The following ABI3BP variants were observed in gnomAD, a reference collection of about 807,000 sequenced individuals.
The protein encoded by ABI3BP is target of Nesh-SH3.
ABI3BP carries 216 observed loss-of-function variants against 268.6 expected under a neutral mutation model. The observed-to-expected ratio is 0.80, with a 90% CI of 0.72 to 0.90. The LOEUF is 0.90. ABI3BP is among the 40% of genes least tolerant of loss of function. The pLI is 0.00. For synonymous variants in ABI3BP, 730 were observed against 730.0 expected (o/e 1.00, Z 0.00); for missense variants, 2,090 against 2,182.4 (o/e 0.96, Z 0.84).
intron 14 of ABI3BP, among the ~76,000 whole-genome samples, chr3:100,855,425 T>G (rs2153081852): frequency 6.6e-6 from 1 of 152,338 alleles, no homozygotes; most frequent in South Asian, 2.1e-4. Context: ...TTTTTAACAT[T>G]AACTCTTAGA....
intron 51 of ABI3BP, among the ~76,000 whole-genome samples, chr3:100,800,847 A>C (rs975520992): frequency 1.1e-4 from 17 of 152,320 alleles, no homozygotes; most frequent in African/African-American, 4.1e-4. Flanking sequence ...GCCTATTAAA[A>C]TCTATCTTAA....
chr3:100,920,416 C>CT (rs956799671), intron 2 of ABI3BP, among the ~76,000 whole-genome samples: 13 of 151,960 alleles, frequency 8.6e-5, no homozygotes, highest in African/African-American at 2.4e-4. Context: ...ATATTAGCTT[C>CT]TTTTTTTTAA....
chr3:100,773,561 A>G (rs183887687), intron 61 of ABI3BP, among the ~76,000 whole-genome samples: 1 of 152,338 alleles, frequency 6.6e-6, no homozygotes, highest in East Asian at 1.9e-4. Context: ...ATGTTATATA[A>G]ACACTTATAT....
rs142841865 is a variant in ABI3BP at position 100,947,704 on chromosome 3, C to G, written c.80-21223G>C. Reference sequence around the variant, plus strand: ...AATTTAAATGGTAAGAAAGAGAGGCCAGGAGACAGAATAAGGGAATGGAGT... The same window carrying G: ...AATTTAAATGGTAAGAAAGAGAGGCGAGGAGACAGAATAAGGGAATGGAGT... On this transcript the variant is annotated intron_variant, in intron 1 of 67. Transcript: ENST00000471714. Among the ~76,000 whole-genome samples the G allele has an allele frequency of 4.3e-3, 648 of 151,830 alleles. 3 individuals are homozygous for G. Among genetic ancestry groups the G allele is most frequent in the African/African-American group, 0.015 (601 of 41,374 alleles).
chr3:100,908,960 A>T (rs1372442256), intron 2 of ABI3BP, among the ~76,000 whole-genome samples: 1 of 152,230 alleles, frequency 6.6e-6, no homozygotes, highest in Non-Finnish European at 1.5e-5. Context: ...GACAATCCTA[A>T]GCAAAAATAA....
chr3:100,811,411 A>G, intron 47 of ABI3BP, 134 bp from the exon 48 acceptor site: 1 of 674,628 alleles, frequency 1.5e-6, no homozygotes, highest in Non-Finnish European at 2.4e-6. Context: ...ACAGGAAAAA[A>G]GAATTGGGAG....
rs200602837 is a variant in ABI3BP at position 100,968,709 on chromosome 3, C to CT, written c.79+24596dup. 8.0e-3 allele frequency among the ~76,000 whole-genome samples: 1,211 copies of CT among 151,966 alleles called. 17 individuals are homozygous for CT. The highest frequency in any genetic ancestry group is 0.027 in the African/African-American group (1,125 of 41,416). On this transcript the variant is annotated intron_variant, in intron 1 of 67. Transcript: ENST00000471714. ...TTTTCATTTCTTTTTATTTATTGTA[C>CT]TTTAAGTTCTGGGATATGTGCGCAG...
intron 6 of ABI3BP, among the ~76,000 whole-genome samples, chr3:100,882,597 C>T (rs932504209): frequency 6.6e-6 from 1 of 151,904 alleles, no homozygotes; most frequent in African/African-American, 2.4e-5. Context: ...CAGGATACTC[C>T]ACCTCACAGC....
intron 2 of ABI3BP, among the ~76,000 whole-genome samples, chr3:100,914,031 G>C (rs766351856): frequency 1.1e-4 from 17 of 151,580 alleles, no homozygotes; most frequent in Non-Finnish European, 1.3e-4. Context: ...AGGCAGAAAG[G>C]AAAAAAAATA....
intron 1 of ABI3BP, among the ~76,000 whole-genome samples, chr3:100,965,120 C>T (rs2080786459): frequency 1.3e-5 from 2 of 152,150 alleles, no homozygotes; most frequent in Admixed American, 1.3e-4. Flanking sequence ...TTTCCATACC[C>T]AACTCTCCTT....
At chr3:100,831,366 A>G (rs755164073) in intron 31 of ABI3BP, among the ~76,000 whole-genome samples, 3 of 152,116 alleles carry the variant, frequency 2.0e-5, no homozygotes, top group Non-Finnish European at 2.9e-5. Flanking sequence ...AGGTTGCCCT[A>G]GAGTTTGTGC....
At chr3:100,801,846 C>T (rs2152355155) in intron 51 of ABI3BP, among the ~76,000 whole-genome samples, 1 of 152,262 alleles carries the variant, frequency 6.6e-6, no homozygotes, top group South Asian at 2.1e-4. Context: ...CTACCCTGCT[C>T]ATCCCAACTC....
intron 2 of ABI3BP, among the ~76,000 whole-genome samples, chr3:100,920,167 C>A (rs1465390465): frequency 1.3e-5 from 2 of 152,194 alleles, no homozygotes; most frequent in Non-Finnish European, 2.9e-5. Context: ...TTTACCAACA[C>A]TATCTCCGCA....
chr3:100,847,569 G>C, intron 19 of ABI3BP, 33 bp downstream of exon 19: 4 of 1,552,674 alleles, frequency 2.6e-6, no homozygotes, highest in Non-Finnish European at 3.6e-6. Flanking sequence ...GTGAAATGAA[G>C]CAACACATCT....
At chr3:100,953,239 C>T (rs986715816) in intron 1 of ABI3BP, among the ~76,000 whole-genome samples, 1 of 152,262 alleles carries the variant, frequency 6.6e-6, no homozygotes, top group Non-Finnish European at 1.5e-5. Flanking sequence ...TCCAATCCAC[C>T]CTTCCCACTA....
At chr3:100,954,240 C>A (rs1294601068) in intron 1 of ABI3BP, among the ~76,000 whole-genome samples, 1 of 151,920 alleles carries the variant, frequency 6.6e-6, no homozygotes, top group Non-Finnish European at 1.5e-5. Flanking sequence ...GCATAATAAC[C>A]CAAAACTTGG....
intron 57 of ABI3BP, among the ~76,000 whole-genome samples, chr3:100,784,140 C>A (rs1302494101): frequency 1.3e-5 from 2 of 152,180 alleles, no homozygotes; most frequent in East Asian, 3.8e-4. Context: ...AAATACTGAG[C>A]TCAAGATATT....
At chr3:100,804,934 G>T in intron 50 of ABI3BP, 68 bp from the exon 51 acceptor site, 2 of 1,286,838 alleles carry the variant, frequency 1.6e-6, no homozygotes, top group South Asian at 2.4e-5. Context: ...TAAAACATAA[G>T]ACATGTCAAG....
At chr3:100,959,415 G>A (rs908423093) in intron 1 of ABI3BP, among the ~76,000 whole-genome samples, 12 of 149,626 alleles carry the variant, frequency 8.0e-5, no homozygotes, top group East Asian at 7.9e-4. Context: ...GCGTGAACCC[G>A]GGAGGCGGAG....
Sources: gnomAD v4.1 joint callset for allele counts (sites outside exome capture counted in the v4.1 genomes callset) on GRCh38, gnomAD v4.1.1 for gene constraint, MANE v1.5 for transcripts, NCBI Gene and HGNC (gene_info 2026-07-23, HGNC 2026-07-21) for gene names.